SLC25A32: variants seen among roughly 807,000 people sequenced by gnomAD.
SLC25A32 encodes solute carrier family 25 member 32.
SLC25A32 carries 32 observed loss-of-function variants against 39.0 expected under a neutral mutation model. The ratio of observed to expected loss-of-function variants is 0.82; its 90% CI spans 0.62 to 1.10. The LOEUF is 1.10. SLC25A32 is among the 50% of genes least tolerant of loss of function. SLC25A32 has a pLI of 0.00. For synonymous variants in SLC25A32, 166 were observed against 152.4 expected, an observed-to-expected ratio of 1.09 and a Z score of -0.66; for missense variants, 367 against 395.3, an observed-to-expected ratio of 0.93 and a Z score of 0.61.
intron 2 of SLC25A32, among the ~76,000 whole-genome samples, chr8:103,406,191 T>C (rs1269788946): frequency 1.3e-5 from 2 of 151,896 alleles, no homozygotes; most frequent in Admixed American, 1.3e-4. Context: ...CACACACCTC[T>C]CTAAAGAGAA....
At chr8:103,411,378 GGTAA>G (rs772074101) in intron 1 of SLC25A32, among the ~76,000 whole-genome samples, 6 of 151,860 alleles carry the variant, frequency 4.0e-5, no homozygotes, top group Non-Finnish European at 7.4e-5. Flanking sequence ...CCCCTTATCA[GGTAA>G]GTGTCTGCAA....
At position 103,399,363 on chromosome 8, in the gene SLC25A32, A is replaced by C. The variant is rs1040813413; in HGVS notation, c.*1048T>G. On this transcript the variant is annotated 3_prime_UTR_variant, in exon 7 of 7. Coordinates refer to ENST00000297578, the MANE Select transcript of SLC25A32 (RefSeq NM_030780.5). ...AAAGGTTGACACAGCTGGATCCTAGAAGCTCAGATTTTATAAATTTAAAAT... is the reference window on the plus strand; with the variant it reads ...AAAGGTTGACACAGCTGGATCCTAGCAGCTCAGATTTTATAAATTTAAAAT... 7.9e-5 allele frequency: 12 copies of C among 152,228 alleles called. No homozygotes were observed. Among genetic ancestry groups the C allele is most frequent in the African/African-American group, 2.9e-4 (12 of 41,448 alleles). The allele number at this position is 152,228 out of a possible 1,614,324, so 9.4% of individuals were successfully genotyped here.
intron 1 of SLC25A32, among the ~76,000 whole-genome samples, chr8:103,410,442 C>T (rs1816441387): frequency 6.6e-6 from 1 of 152,182 alleles, no homozygotes; most frequent in African/African-American, 2.4e-5. Context: ...TGGGTTCTTA[C>T]AGAATCTCGA....
intron 1 of SLC25A32, among the ~76,000 whole-genome samples, chr8:103,411,158 A>G (rs944936740): frequency 1.3e-5 from 2 of 152,238 alleles, no homozygotes; most frequent in Non-Finnish European, 1.5e-5. Flanking sequence ...GTGTGTGGAT[A>G]GCAAAGGTAA....
At chr8:103,400,604 G>C (rs576317032) in intron 6 of SLC25A32, 58 bp from the exon 7 acceptor site, 1 of 1,577,114 alleles carries the variant, frequency 6.3e-7, no homozygotes, top group Admixed American at 1.8e-5. Flanking sequence ...TGAAAACACG[G>C]AAGTTCTAAC....
intron 3 of SLC25A32, among the ~76,000 whole-genome samples, chr8:103,404,326 T>C (rs1315086171): frequency 6.6e-6 from 1 of 152,204 alleles, no homozygotes; most frequent in Non-Finnish European, 1.5e-5. Context: ...CCAGGCGTGG[T>C]GGCTCATGCC....
chr8:103,401,698 A>T (rs756297739), intron 5 of SLC25A32, 37 bp from the exon 6 acceptor site: 1 of 1,520,804 alleles, frequency 6.6e-7, no homozygotes, highest in East Asian at 2.3e-5. Flanking sequence ...TTCTTTAGAC[A>T]GGATTTCTTT....
At position 103,415,026 on chromosome 8, in the gene SLC25A32, T is replaced by C; in HGVS notation, c.-89A>G. The C allele has an allele frequency of 6.3e-7, 1 of 1,593,272 alleles. No homozygotes were observed. ...CGCCACCGTGGCGACGGTCGCCCCT[T>C]GTGAGCGCAACCCCACCTCCGGGAC... On this transcript the variant is annotated 5_prime_UTR_variant, in exon 1 of 7. Transcript: ENST00000297578.
intron 6 of SLC25A32, 34 bp from the exon 7 acceptor site, chr8:103,400,580 G>T (rs767082565): frequency 6.2e-7 from 1 of 1,611,006 alleles, no homozygotes. Flanking sequence ...GCTTAATTTT[G>T]TATAGAGCTA....
rs1253567689 is a variant in SLC25A32 at position 103,401,994 on chromosome 8, A to G, written c.613T>C (p.Leu205=). ...TGCTGGTTGTACTTCAACTTCAGCA[A>G]TTCATATGCCATAAACTGAAGGGCA... ...HGALQFMAYE[L]LKLKYNQHIN... The change falls in exon 5 of 7, where the codon TTG becomes CTG. Residue 205 remains leucine, a synonymous_variant. Coordinates refer to ENST00000297578, the MANE Select transcript of SLC25A32 (RefSeq NM_030780.5). The G allele has an allele frequency of 1.2e-6, 2 of 1,613,502 alleles. No individual in the cohort carries two copies. Among genetic ancestry groups the G allele is most frequent in the South Asian group, 2.2e-5 (2 of 90,958 alleles).
chr8:103,401,373 G>A (rs537316976), intron 6 of SLC25A32, 143 bp downstream of exon 6: 10 of 641,980 alleles, frequency 1.6e-5, no homozygotes, highest in Admixed American at 9.0e-5. Context: ...GGTCACATAC[G>A]TAATAACTGG....
Position 103,401,948 on chromosome 8 carries a change from G to A in SLC25A32, c.659C>T (p.Ala220Val), listed in dbSNP as rs774713668. 1.9e-5 allele frequency: 30 copies of A among 1,605,564 alleles called. No homozygotes were observed. Among genetic ancestry groups the A allele is most frequent in the Middle Eastern group, 1.7e-4 (1 of 6,052 alleles). Residue 220 changes from alanine to valine, a missense_variant, in exon 5 of 7, where the codon GCC becomes GTC. Ala to Val is a moderately conservative substitution (Grantham distance 64). Coordinates refer to ENST00000297578, the MANE Select transcript of SLC25A32 (RefSeq NM_030780.5). ...TTACAAGAATAATCTTACCAACTGG[G>A]CTTCTGGTAATCTATTGATATGCTG... ...YNQHINRLPEAQLSTVEYISV... is the reference protein window; with the variant it reads ...YNQHINRLPEVQLSTVEYISV...
At chr8:103,411,215 T>G (rs536311203) in intron 1 of SLC25A32, among the ~76,000 whole-genome samples, 1 of 152,370 alleles carries the variant, frequency 6.6e-6, no homozygotes, top group East Asian at 1.9e-4. Flanking sequence ...TTGTTCTAGA[T>G]CCTGCTTCTT....
intron 3 of SLC25A32, 107 bp from the exon 4 acceptor site, chr8:103,403,431 G>GA: frequency 2.0e-6 from 1 of 494,886 alleles, no homozygotes; most frequent in Non-Finnish European, 3.3e-6. Context: ...AAAAAAAAAA[G>GA]ATAATGCACA....
intron 2 of SLC25A32, among the ~76,000 whole-genome samples, chr8:103,406,080 T>C (rs745637975): frequency 3.0e-5 from 4 of 134,544 alleles, no homozygotes; most frequent in Admixed American, 7.5e-5. Flanking sequence ...TATATATATA[T>C]ACACACACAC....
At chr8:103,400,677 T>A in intron 6 of SLC25A32, 131 bp from the exon 7 acceptor site, 1 of 897,086 alleles carries the variant, frequency 1.1e-6, no homozygotes, top group Non-Finnish European at 1.7e-6. Flanking sequence ...ATGTTTTCAA[T>A]GTCCTAAAGT....
chr8:103,403,519 T>C (rs1301308219), intron 3 of SLC25A32, among the ~76,000 whole-genome samples, 195 bp from the exon 4 acceptor site: 1 of 151,978 alleles, frequency 6.6e-6, no homozygotes. Context: ...TTTTTGGTAG[T>C]CATAAAAAGT....
intron 1 of SLC25A32, among the ~76,000 whole-genome samples, chr8:103,411,270 C>T (rs559233768): frequency 1.3e-5 from 2 of 152,242 alleles, no homozygotes; most frequent in Admixed American, 6.5e-5. Flanking sequence ...TATCCTCCTG[C>T]CTCCATTTCC....
intron 2 of SLC25A32, among the ~76,000 whole-genome samples, chr8:103,407,174 C>T (rs895898101): frequency 6.6e-6 from 1 of 152,174 alleles, no homozygotes; most frequent in African/African-American, 2.4e-5. Context: ...ACCGATGGGG[C>T]CCTACAATTT....
Sources: allele counts gnomAD v4.1 joint callset (sites outside exome capture counted in the v4.1 genomes callset), GRCh38; gene constraint gnomAD v4.1.1; transcripts MANE v1.5; gene names NCBI Gene and HGNC (gene_info 2026-07-23, HGNC 2026-07-21).